The following RBFOX1 variants were observed in gnomAD, a reference collection of about 807,000 sequenced individuals.
The protein encoded by RBFOX1 is RNA binding protein fox-1 homolog 1.
Under a neutral mutation model 57.7 loss-of-function variants are expected in RBFOX1, and 8 were observed. That is an observed-to-expected ratio of 0.14 (90% CI 0.08 to 0.25). The LOEUF (loss-of-function observed/expected upper bound fraction) is 0.25. Ranked by LOEUF, RBFOX1 falls within the 10% of genes least tolerant of loss-of-function variation. The probability of loss-of-function intolerance (pLI) is 1.00; values close to 1 mark genes in which losing one functional copy is unlikely to be tolerated. For synonymous variants in RBFOX1, 326 were observed against 222.4 expected (o/e 1.47, Z -4.15); for missense variants, 611 against 548.5 (o/e 1.11, Z -1.14).
In RBFOX1 at chr16:7,462,878, G is replaced by C. The variant is rs1353706844; in HGVS notation, c.28-55269G>C. Among the ~76,000 whole-genome samples, 4 of 152,286 alleles carry C rather than the reference G, an allele frequency of 2.6e-5. 1 individual carries two copies. Among genetic ancestry groups the C allele is most frequent in the South Asian group, 4.1e-4 (2 of 4,820 alleles). On this transcript the variant is annotated intron_variant, in intron 4 of 15. Coordinates refer to ENST00000550418, the MANE Select transcript of RBFOX1 (RefSeq NM_018723.4). ...TGCCACATCACTCTGACTCTAGTTG[G>C]AGAAAGTTGTCCACCTTGAAAGGCT...
intron 3 of RBFOX1, among the ~76,000 whole-genome samples, chr16:5,616,444 G>A (rs73527619): frequency 0.047 from 7,134 of 152,188 alleles, 569 homozygotes; most frequent in African/African-American, 0.16. Context: ...GCTTGTTAGA[G>A]CAGGAGGTTC....
In RBFOX1 at chr16:6,044,602, G is replaced by C. The variant is rs959497394; in HGVS notation, c.-127+24610G>C. ...GTAAACAGCATCTGCCTTTGATTAA[G>C]GTGTGAAATTTTAAAAAGGTATGGA... On this transcript the variant is annotated intron_variant, in intron 1 of 15. Transcript: ENST00000550418. 1.2e-4 allele frequency among the ~76,000 whole-genome samples: 19 copies of C among 152,164 alleles called. 1 individual carries two copies. Among genetic ancestry groups the C allele is most frequent in the African/African-American group, 1.4e-4 (6 of 41,446 alleles).
chr16:5,660,248 GC>G lies in RBFOX1; in HGVS notation c.318+61291del, dbSNP rs533706496. The stretch of plus-strand genomic sequence containing the variant: ...CTGGTATTAAATGGTATTCTCAAGC[GC>G]CCCAGTGAGAGAGGGGAATTTGGTG... On this transcript the variant is annotated intron_variant, in intron 3 of 19. Transcript: ENST00000641259. 2.6e-3 allele frequency among the ~76,000 whole-genome samples: 391 copies of G among 152,224 alleles called. 4 individuals are homozygous for G. The highest frequency in any genetic ancestry group is 8.5e-4 in the Non-Finnish European group (58 of 67,996).
intron 1 of RBFOX1, among the ~76,000 whole-genome samples, chr16:5,341,493 T>C (rs2065031523): frequency 2.0e-5 from 3 of 151,992 alleles, no homozygotes; most frequent in Admixed American, 2.0e-4. Flanking sequence ...TGACAGGACT[T>C]GGGGATGGAT....
intron 4 of RBFOX1, among the ~76,000 whole-genome samples, chr16:5,999,092 A>G (rs2060541510): frequency 6.6e-6 from 1 of 152,178 alleles, no homozygotes. Context: ...TTGAGTGAAG[A>G]AGGAGGCTCA....
At chr16:6,574,423 T>A (rs1277960768) in intron 2 of RBFOX1, among the ~76,000 whole-genome samples, 1 of 97,484 alleles carries the variant, frequency 1.0e-5, no homozygotes, top group Non-Finnish European at 2.1e-5. Context: ...CCGTATCTTC[T>A]ATTTTTTTTT....
intron 1 of RBFOX1, among the ~76,000 whole-genome samples, chr16:5,318,447 C>T (rs1368871502): frequency 6.6e-6 from 1 of 152,042 alleles, no homozygotes; most frequent in African/African-American, 2.4e-5. Flanking sequence ...GATATCTAAT[C>T]CAGCCGTTAC....
intron 1 of RBFOX1, among the ~76,000 whole-genome samples, chr16:6,185,135 C>G (rs889544464): frequency 6.6e-6 from 1 of 152,092 alleles, no homozygotes; most frequent in South Asian, 2.1e-4. Context: ...CATTAGACAC[C>G]TTTAGACAGG....
chr16:6,771,323 C>G (rs1033625497), intron 3 of RBFOX1, among the ~76,000 whole-genome samples: 4 of 152,174 alleles, frequency 2.6e-5, no homozygotes, highest in African/African-American at 9.7e-5. Flanking sequence ...AGCTGACACA[C>G]TTCTGCTCAA....
At chr16:5,556,890 T>G (rs1444287323) in intron 2 of RBFOX1, among the ~76,000 whole-genome samples, 1 of 152,194 alleles carries the variant, frequency 6.6e-6, no homozygotes, top group Non-Finnish European at 1.5e-5. Flanking sequence ...TTTTATAGGC[T>G]CTGGGGATTT....
rs1007027308 is a variant in RBFOX1, at chr16:5,947,458, C to A, written c.351+80123C>A. Among the ~76,000 whole-genome samples, 4 of 152,152 alleles carry A rather than the reference C, an allele frequency of 2.6e-5. No homozygotes were observed. Among genetic ancestry groups the A allele is most frequent in the African/African-American group, 9.7e-5 (4 of 41,426 alleles). ...TCATGGCTCACTACAGCCTCGAAATCTTGTGCTCAAGCCATTTTCCTGCCT... is the reference window on the plus strand; with the variant it reads ...TCATGGCTCACTACAGCCTCGAAATATTGTGCTCAAGCCATTTTCCTGCCT... On this transcript the variant is annotated intron_variant, in intron 4 of 19. Coordinates refer to the RBFOX1 transcript ENST00000641259. The surrounding 1 kb of genome is among the most constrained non-coding windows in gnomAD (Gnocchi z 7.2).
At chr16:7,019,996 C>G (rs1407665027) in intron 3 of RBFOX1, among the ~76,000 whole-genome samples, 1 of 137,922 alleles carries the variant, frequency 7.3e-6, no homozygotes, top group African/African-American at 2.8e-5. Context: ...TTTTTTTTCT[C>G]TGATGAAGTG....
At chr16:6,986,122 G>A (rs2090196020) in intron 3 of RBFOX1, among the ~76,000 whole-genome samples, 1 of 150,454 alleles carries the variant, frequency 6.6e-6, no homozygotes, top group Non-Finnish European at 1.5e-5. Flanking sequence ...TTCTAAACAT[G>A]AAAAAATGTA....
chr16:5,373,540 C>T (rs1875814735), intron 1 of RBFOX1, among the ~76,000 whole-genome samples: 3 of 152,126 alleles, frequency 2.0e-5, no homozygotes, highest in Non-Finnish European at 4.4e-5. Flanking sequence ...TTGTAAGTTT[C>T]CTGAGGCCTC....
intron 4 of RBFOX1, among the ~76,000 whole-genome samples, chr16:5,912,664 G>A (rs1346217327): frequency 6.6e-6 from 1 of 152,072 alleles, no homozygotes; most frequent in Non-Finnish European, 1.5e-5. Flanking sequence ...TGCTTGCTGG[G>A]GTTTTTAAAT....
At chr16:6,759,473 CTGTGTGTGTGTGT>C (rs997998414) in intron 3 of RBFOX1, among the ~76,000 whole-genome samples, 26 of 143,082 alleles carry the variant, frequency 1.8e-4, no homozygotes, top group South Asian at 9.0e-4. Context: ...TGTCAGTTGT[CTGTGTGTGTGTGT>C]GTGTGTGTGT....
chr16:7,221,929 G>T (rs1395711343), intron 4 of RBFOX1, among the ~76,000 whole-genome samples: 1 of 152,208 alleles, frequency 6.6e-6, no homozygotes, highest in Non-Finnish European at 1.5e-5. Context: ...GGTAGAAAAT[G>T]ATGAAATGCA....
chr16:7,207,484 T>A (rs974643557), intron 4 of RBFOX1, among the ~76,000 whole-genome samples: 3 of 152,190 alleles, frequency 2.0e-5, no homozygotes, highest in African/African-American at 7.2e-5. Context: ...ACCCCCGGAC[T>A]GGCCCCTAGC....
At chr16:7,136,495 C>G (rs979826298) in intron 4 of RBFOX1, among the ~76,000 whole-genome samples, 12 of 145,144 alleles carry the variant, frequency 8.3e-5, no homozygotes, top group African/African-American at 2.6e-4. Context: ...CAGCCTTAAA[C>G]TCCTGGGCTA....
Sources: allele counts gnomAD v4.1 joint callset (sites outside exome capture counted in the v4.1 genomes callset), GRCh38; gene constraint gnomAD v4.1.1; non-coding constraint Gnocchi (gnomAD v3.1); transcripts MANE v1.5; gene names NCBI Gene and HGNC (gene_info 2026-07-23, HGNC 2026-07-21).